SCP2: variants seen among roughly 807,000 people sequenced by gnomAD.
SCP2 encodes the protein sterol carrier protein 2, also known as SCP-2/3-oxoacyl-CoA thiolase.
Under a neutral mutation model 71.4 loss-of-function variants are expected in SCP2, and 48 were observed. The observed-to-expected ratio is 0.67, with a 90% CI of 0.53 to 0.86. The LOEUF (loss-of-function observed/expected upper bound fraction) is 0.86. SCP2 is among the 40% of genes least tolerant of loss of function. The pLI, the probability that SCP2 is intolerant of heterozygous loss-of-function variation, is 0.00. For synonymous variants in SCP2, 220 were observed against 218.1 expected, an observed-to-expected ratio of 1.01 and a Z score of -0.08; for missense variants, 560 against 655.6, an observed-to-expected ratio of 0.85 and a Z score of 1.59.
At chr1:53,030,899 CA>C (rs1442701252) in intron 13 of SCP2, among the ~76,000 whole-genome samples, 1 of 81,232 alleles carries the variant, frequency 1.2e-5, no homozygotes, top group Non-Finnish European at 2.3e-5. Context: ...GACTCCACCT[CA>C]AAAAAATTAA....
At position 52,995,606 on chromosome 1, in the gene SCP2, C is replaced by T. The variant is rs927284623; in HGVS notation, c.1081+7470C>T. ...TCAGGTAGGATTTCAATGCCAAGAA[C>T]ATAATGAGACCCCTGCCACAGCTTA... is the stretch of plus-strand genomic sequence containing the variant. On this transcript the variant is annotated intron_variant, in intron 11 of 15. Transcript: ENST00000371514. 2.9e-5 allele frequency: 16 copies of T among 544,162 alleles called. No homozygotes were observed. The Admixed American group carries it at 3.6e-4, about 12-fold the overall frequency. 33.7% of individuals were successfully genotyped at this position (544,162 alleles called of 1,614,324 possible). A position where few individuals can be genotyped will look rare whatever the true frequency, so the allele number is the denominator to read the frequency against.
intron 11 of SCP2, chr1:52,994,753 T>G: frequency 1.2e-5 from 8 of 687,306 alleles, no homozygotes; most frequent in Non-Finnish European, 1.9e-5. Context: ...CATCCAGGCC[T>G]GTCAGTGTGG....
chr1:53,027,250 T>G (rs1382251553), intron 12 of SCP2, among the ~76,000 whole-genome samples: 3 of 152,126 alleles, frequency 2.0e-5, no homozygotes, highest in Admixed American at 6.5e-5. Context: ...AGACGGGGTT[T>G]CAACATGTTG....
rs142282007 is a variant in SCP2, at chr1:53,022,212, A to G, written c.1236-5757A>G. The stretch of plus-strand genomic sequence containing the variant: ...TGCCTGTTATGGACGTTGTATGTAA[A>G]TGAAATCATACATTGTATGGCCTTT... On this transcript the variant is annotated intron_variant, in intron 12 of 15. Coordinates refer to ENST00000371514, the MANE Select transcript of SCP2 (RefSeq NM_002979.5). Among the ~76,000 whole-genome samples the G allele has an allele frequency of 7.5e-3, 1,140 of 152,322 alleles. 5 individuals are homozygous for G. The highest frequency in any genetic ancestry group is 0.011 in the African/African-American group (450 of 41,570).
At chr1:52,977,974 A>AAG (rs556726779) in intron 8 of SCP2, among the ~76,000 whole-genome samples, 227 of 152,274 alleles carry the variant, frequency 1.5e-3, no homozygotes, top group Non-Finnish European at 2.6e-3. Context: ...CTCAAAAAAA[A>AAG]AAAAAAGAAC....
chr1:53,018,740 CAAAAAA>C (rs1184206730), intron 12 of SCP2, among the ~76,000 whole-genome samples: 1 of 114,304 alleles, frequency 8.7e-6, no homozygotes, highest in African/African-American at 3.1e-5. Context: ...GACTCTGTTT[CAAAAAA>C]AAAAAAAGAA....
intron 13 of SCP2, among the ~76,000 whole-genome samples, chr1:53,036,658 T>C (rs887922395): frequency 6.8e-6 from 1 of 146,760 alleles, no homozygotes; most frequent in Admixed American, 7.2e-5. Context: ...TTAAGATACA[T>C]ATATATATAA....
At chr1:53,029,125 T>C (rs1489023681) in intron 13 of SCP2, among the ~76,000 whole-genome samples, 1 of 152,162 alleles carries the variant, frequency 6.6e-6, no homozygotes, top group Non-Finnish European at 1.5e-5. Context: ...TATTTTTATA[T>C]ACAATAATTA....
intron 7 of SCP2, 148 bp from the exon 8 acceptor site, chr1:52,976,535 G>T (rs900860990): frequency 1.6e-5 from 10 of 633,020 alleles, no homozygotes; most frequent in African/African-American, 5.5e-5. Context: ...TTTTTAAAAG[G>T]TCAATTCAGA....
Position 52,980,410 on chromosome 1 carries a change from G to A in SCP2, c.840G>A (p.Met280Ile). The change falls in exon 10 of 16, where the codon ATG becomes ATA. Residue 280 changes from methionine to isoleucine, a missense_variant. Met to Ile is a conservative substitution (Grantham distance 10). This residue lies in a region of SCP2 where 513 missense variants were observed against 573.1 expected (regional missense o/e 0.90). Transcript: ENST00000371514. Reference sequence around the variant, plus strand: ...TTTGGTTTTAGGTTGGCTTTGATATGAGTAAAGAAGCTGCAAGAAAATGCT... The same window carrying A: ...TTTGGTTTTAGGTTGGCTTTGATATAAGTAAAGAAGCTGCAAGAAAATGCT... Reference protein sequence around the residue: ...KSIIKMVGFDMSKEAARKCYE... With the variant: ...KSIIKMVGFDISKEAARKCYE... The A allele has an allele frequency of 6.2e-7, 1 of 1,614,118 alleles. No individual in the cohort carries two copies. The highest frequency in any genetic ancestry group is 8.5e-7 in the Non-Finnish European group (1 of 1,180,006).
chr1:53,040,073 C>T (rs2150265332), intron 14 of SCP2, among the ~76,000 whole-genome samples: 1 of 152,334 alleles, frequency 6.6e-6, no homozygotes, highest in Non-Finnish European at 1.5e-5. Flanking sequence ...AACCCATCAA[C>T]ACATCTTGTC....
At chr1:52,983,122 A>G (rs11206057) in intron 10 of SCP2, among the ~76,000 whole-genome samples, 25,206 of 152,166 alleles carry the variant, frequency 0.17, 4,589 homozygotes, top group African/African-American at 0.46. Context: ...ATAGAATTCT[A>G]GGTTGACAGG....
chr1:52,952,941 G>T (rs561717863), intron 4 of SCP2, among the ~76,000 whole-genome samples: 19 of 151,506 alleles, frequency 1.3e-4, no homozygotes, highest in African/African-American at 4.4e-4. Context: ...TGATTTGATT[G>T]TTGATCACTA....
intron 11 of SCP2, among the ~76,000 whole-genome samples, chr1:53,004,900 C>G (rs548527516): frequency 6.6e-6 from 1 of 152,258 alleles, no homozygotes; most frequent in East Asian, 1.9e-4. Flanking sequence ...CAGATGGTAC[C>G]TGGAAAATTG....
At chr1:53,043,614 C>T (rs1318653137) in intron 14 of SCP2, among the ~76,000 whole-genome samples, 2 of 152,170 alleles carry the variant, frequency 1.3e-5, no homozygotes, top group Non-Finnish European at 2.9e-5. Context: ...CCCTCTGACC[C>T]TTATAGGATT....
At chr1:52,981,784 A>ATG (rs929330333) in intron 10 of SCP2, among the ~76,000 whole-genome samples, 11 of 150,042 alleles carry the variant, frequency 7.3e-5, no homozygotes, top group African/African-American at 2.7e-4. Context: ...ATATATATAT[A>ATG]AAATGTATAT....
chr1:52,947,146 C>A (rs1654879358), intron 2 of SCP2, among the ~76,000 whole-genome samples: 1 of 145,610 alleles, frequency 6.9e-6, no homozygotes. Context: ...CTTTGGGAAG[C>A]CAAAGTGGGA....
intron 15 of SCP2, chr1:53,048,167 G>A: frequency 2.1e-6 from 1 of 481,336 alleles, no homozygotes; most frequent in East Asian, 4.3e-5. Context: ...CCACAGATGT[G>A]TAAAAGAGTC....
At chr1:53,042,462 A>G (rs776817417) in intron 14 of SCP2, among the ~76,000 whole-genome samples, 3 of 152,126 alleles carry the variant, frequency 2.0e-5, no homozygotes, top group Non-Finnish European at 4.4e-5. Context: ...TGTTCCCTCC[A>G]GATACGTTCT....
Sources: allele counts gnomAD v4.1 joint callset (sites outside exome capture counted in the v4.1 genomes callset), GRCh38; gene constraint gnomAD v4.1.1; regional missense constraint gnomAD v4.1.1; transcripts MANE v1.5; gene names NCBI Gene and HGNC (gene_info 2026-07-23, HGNC 2026-07-21).